ARID5B: variants seen among roughly 807,000 people sequenced by gnomAD.
ARID5B encodes AT-rich interactive domain-containing protein 5B.
ARID5B carries 13 observed loss-of-function variants against 97.2 expected under a neutral mutation model. The ratio of observed to expected loss-of-function variants is 0.13; its 90% CI spans 0.09 to 0.21. The LOEUF (loss-of-function observed/expected upper bound fraction) is 0.21. Among genes scored for constraint, ARID5B ranks in the 10% least tolerant of loss-of-function variants. The pLI is 1.00. For synonymous variants in ARID5B, 556 were observed against 570.3 expected (o/e 0.97, Z 0.36); for missense variants, 1,210 against 1,465.3 (o/e 0.83, Z 2.84).
At chr10:62,049,372 C>T (rs1839754797) in intron 4 of ARID5B, 1 of 1,546,706 alleles carries the variant, frequency 6.5e-7, no homozygotes, top group Non-Finnish European at 8.7e-7. Flanking sequence ...CGGAGGGAAG[C>T]TGACATCCAC....
intron 4 of ARID5B, among the ~76,000 whole-genome samples, chr10:62,044,768 T>A (rs895708225): frequency 6.6e-6 from 1 of 152,210 alleles, no homozygotes; most frequent in Admixed American, 6.5e-5. Flanking sequence ...TGTTTCCATA[T>A]CTATTGTTCA....
At chr10:62,008,187 A>G (rs1472222871) in intron 4 of ARID5B, among the ~76,000 whole-genome samples, 1 of 152,162 alleles carries the variant, frequency 6.6e-6, no homozygotes, top group African/African-American at 2.4e-5. Flanking sequence ...TACCCAGCAC[A>G]TAGTAGCTGT....
intron 4 of ARID5B, among the ~76,000 whole-genome samples, chr10:62,015,005 T>TAC (rs1839265072): frequency 1.3e-5 from 2 of 152,344 alleles, no homozygotes; most frequent in African/African-American, 4.8e-5. Flanking sequence ...TGATTCTCTG[T>TAC]AAACGTTACA....
chr10:62,076,458 C>T (rs192686108), intron 8 of ARID5B, among the ~76,000 whole-genome samples: 129 of 150,600 alleles, frequency 8.6e-4, no homozygotes, highest in Admixed American at 1.3e-3. Flanking sequence ...ACGAGAATCA[C>T]GGGATGAATC....
intron 4 of ARID5B, among the ~76,000 whole-genome samples, chr10:62,021,921 G>A (rs1839361357): frequency 6.6e-6 from 1 of 152,214 alleles, no homozygotes; most frequent in Admixed American, 6.5e-5. Context: ...AGGAGTCAGA[G>A]AGGAGAATTT....
chr10:61,904,677 C>G (rs1373809576), intron 2 of ARID5B, among the ~76,000 whole-genome samples: 1 of 152,156 alleles, frequency 6.6e-6, no homozygotes, highest in Non-Finnish European at 1.5e-5. Flanking sequence ...AATGCTAACA[C>G]GGCTGGTAAT....
intron 2 of ARID5B, among the ~76,000 whole-genome samples, chr10:61,906,726 G>A (rs1564597290): frequency 6.6e-6 from 1 of 152,122 alleles, no homozygotes; most frequent in South Asian, 2.1e-4. Context: ...ATGTTCTGGG[G>A]CCCCTATTGA....
rs564892468 is a variant in ARID5B at position 61,987,822 on chromosome 10, A to G, written c.503-12269A>G. On this transcript the variant is annotated intron_variant, in intron 3 of 9. Transcript: ENST00000279873. ...GAGATACCCAGAAACAGGGATCTGT[A>G]GCACTGGTAACTCATGGTATGAAAC... Among the ~76,000 whole-genome samples, 13 of 152,370 alleles carry G rather than the reference A, an allele frequency of 8.5e-5. No individual in the cohort carries two copies. The East Asian group carries it at 1.2e-3, about 14-fold the overall frequency.
intron 3 of ARID5B, among the ~76,000 whole-genome samples, chr10:61,965,365 T>G (rs1273778747): frequency 3.3e-5 from 5 of 152,326 alleles, no homozygotes; most frequent in Middle Eastern, 6.8e-3. Flanking sequence ...TGTATACTAG[T>G]TTTAACTCTG....
chr10:61,950,946 G>T (rs189315251), intron 3 of ARID5B, among the ~76,000 whole-genome samples: 4 of 152,204 alleles, frequency 2.6e-5, no homozygotes, highest in African/African-American at 4.8e-5. Flanking sequence ...AGTGGGTTCT[G>T]TGAGCAGGTA....
At chr10:61,987,546 G>A (rs765027148) in intron 3 of ARID5B, among the ~76,000 whole-genome samples, 6 of 152,170 alleles carry the variant, frequency 3.9e-5, no homozygotes, top group Non-Finnish European at 7.3e-5. Flanking sequence ...ATATTCTCTA[G>A]ATCAAGGGTC....
intron 3 of ARID5B, among the ~76,000 whole-genome samples, chr10:61,995,376 G>T (rs187514036): frequency 2.0e-5 from 3 of 152,228 alleles, no homozygotes; most frequent in Non-Finnish European, 4.4e-5. Flanking sequence ...GGGCAAGAAA[G>T]AAGTAGCCGA....
chr10:61,938,124 C>A (rs1844337949), intron 2 of ARID5B, among the ~76,000 whole-genome samples: 1 of 152,078 alleles, frequency 6.6e-6, no homozygotes, highest in Admixed American at 6.5e-5. Context: ...GAGGACAAAA[C>A]CTATAGACTG....
chr10:61,908,313 AAGG>A (rs546581847), intron 2 of ARID5B, among the ~76,000 whole-genome samples: 248 of 152,328 alleles, frequency 1.6e-3, no homozygotes, highest in Non-Finnish European at 2.5e-3. Context: ...CAGTCTTGAT[AAGG>A]AGATGAGATC....
intron 2 of ARID5B, among the ~76,000 whole-genome samples, chr10:61,915,060 T>C (rs187920351): frequency 5.9e-5 from 9 of 152,358 alleles, no homozygotes; most frequent in Non-Finnish European, 1.2e-4. Context: ...TCCTGCTCTT[T>C]AGGGACTTGC....
At chr10:62,039,956 A>G (rs923719885) in intron 4 of ARID5B, among the ~76,000 whole-genome samples, 4 of 152,238 alleles carry the variant, frequency 2.6e-5, no homozygotes, top group African/African-American at 9.6e-5. Flanking sequence ...AACTTACTCA[A>G]TAGTTGGAGA....
chr10:62,093,877 T>C lies in ARID5B; in HGVS notation c.*847T>C, dbSNP rs561440924. 8.6e-6 allele frequency: 2 copies of C among 233,580 alleles called. No individual in the cohort carries two copies. The highest frequency in any genetic ancestry group is 3.6e-4 in the South Asian group (2 of 5,524). 14.5% of individuals were successfully genotyped at this position (233,580 alleles called of 1,614,324 possible). On this transcript the variant is annotated 3_prime_UTR_variant, in exon 10 of 10. Transcript: ENST00000279873. ...GAAAAAGAAACAGTCAAGCACACAA[T>C]AGTGCAAAGAACGTTCCTTTGTAGA...
intron 3 of ARID5B, among the ~76,000 whole-genome samples, 181 bp from the exon 4 acceptor site, chr10:61,999,910 G>A (rs975978489): frequency 5.9e-5 from 9 of 152,134 alleles, no homozygotes; most frequent in African/African-American, 1.2e-4. Context: ...AGCCTGAAGC[G>A]TATTCTGTGG....
chr10:62,069,669 A>G lies in ARID5B; in HGVS notation c.1102-31A>G, dbSNP rs373266269. On this transcript the variant is annotated intron_variant, in intron 7 of 9. Coordinates refer to ENST00000279873, the MANE Select transcript of ARID5B (RefSeq NM_032199.3). ...TGGCACTATGAATCTCTTATGATGT[A>G]AGATTGAATTTCCCATTGCCATTTT... 4 of 1,576,932 alleles carry G rather than the reference A, an allele frequency of 2.5e-6. No homozygotes were observed. The African/African-American group carries it at 5.4e-5, about 21-fold the overall frequency.
Sources: allele counts gnomAD v4.1 joint callset (sites outside exome capture counted in the v4.1 genomes callset), GRCh38; gene constraint gnomAD v4.1.1; transcripts MANE v1.5; gene names NCBI Gene and HGNC (gene_info 2026-07-23, HGNC 2026-07-21).